The following NXPE4 variants were observed in gnomAD, a reference collection of about 807,000 sequenced individuals.
The protein encoded by NXPE4 is NXPE family member 4.
NXPE4 carries 42 observed loss-of-function variants against 33.3 expected under a neutral mutation model. The ratio of observed to expected loss-of-function variants is 1.26; its 90% confidence interval spans 0.98 to 1.63. The LOEUF (loss-of-function observed/expected upper bound fraction) is 1.63. Among genes scored for constraint, NXPE4 ranks in the 40% most tolerant of loss-of-function variants. The pLI is 0.00. For missense variants in NXPE4, 709 were observed against 647.6 expected, an observed-to-expected ratio of 1.09 and a Z score of -1.03; for synonymous variants, 253 against 234.9, an observed-to-expected ratio of 1.08 and a Z score of -0.71.
the NXPE4 span, among the ~76,000 whole-genome samples, chr11:114,634,494 T>A: frequency 1.3e-5 from 2 of 152,092 alleles, no homozygotes; most frequent in African/African-American, 2.4e-5. Flanking sequence ...AATTTTGGCT[T>A]TTGTTGCTAT....
the NXPE4 span, among the ~76,000 whole-genome samples, chr11:114,634,076 C>T: frequency 6.6e-6 from 1 of 151,626 alleles, no homozygotes; most frequent in African/African-American, 2.4e-5. Flanking sequence ...TACAGTTCCA[C>T]CAACAGTGTA....
rs1363895151 is a variant in NXPE4, at chr11:114,593,734, G to T, written c.96+930C>A. On this transcript the variant is annotated intron_variant, in intron 2 of 5. Coordinates refer to ENST00000375478, the MANE Select transcript of NXPE4 (RefSeq NM_001077639.2). ...AGCTATCTGAACTCCCATGTTTATT[G>T]CAGCACTGATAACAATAGCCAAGAT... 2.0e-5 allele frequency among the ~76,000 whole-genome samples: 3 copies of T among 152,094 alleles called. No homozygotes were observed. The East Asian group carries it at 5.8e-4, about 29-fold the overall frequency.
At chr11:114,644,475 A>G in the NXPE4 span, among the ~76,000 whole-genome samples, 1 of 152,210 alleles carries the variant, frequency 6.6e-6, no homozygotes, top group Admixed American at 6.5e-5. Context: ...GGAGTGTTAA[A>G]TTTTATCAAT....
intron 4 of NXPE4, among the ~76,000 whole-genome samples, chr11:114,581,397 A>C (rs564362934): frequency 6.6e-6 from 1 of 152,266 alleles, no homozygotes; most frequent in South Asian, 2.1e-4. Flanking sequence ...TGGGAGTGGT[A>C]TGAAGAGAGG....
chr11:114,640,528 T>G, the NXPE4 span, among the ~76,000 whole-genome samples: 1 of 151,808 alleles, frequency 6.6e-6, no homozygotes, highest in Non-Finnish European at 1.5e-5. Context: ...TTGAGAAACC[T>G]CCATACTATT....
intron 5 of NXPE4, among the ~76,000 whole-genome samples, chr11:114,577,326 A>G (rs1361980566): frequency 6.6e-6 from 1 of 151,762 alleles, no homozygotes; most frequent in African/African-American, 2.4e-5. Flanking sequence ...GTATGTTCTC[A>G]CTCATATGTG....
the NXPE4 span, among the ~76,000 whole-genome samples, chr11:114,676,036 T>C: frequency 6.6e-6 from 1 of 151,904 alleles, no homozygotes; most frequent in Non-Finnish European, 1.5e-5. Flanking sequence ...CTGACAGAAC[T>C]GCATATCCAC....
At chr11:114,636,707 C>T in the NXPE4 span, among the ~76,000 whole-genome samples, 7 of 152,042 alleles carry the variant, frequency 4.6e-5, no homozygotes, top group Non-Finnish European at 8.8e-5. Flanking sequence ...TTTCTGCCTT[C>T]ATTTCGTTAT....
At chr11:114,604,420 G>A in the NXPE4 span, among the ~76,000 whole-genome samples, 4 of 151,866 alleles carry the variant, frequency 2.6e-5, no homozygotes, top group Admixed American at 1.3e-4. Flanking sequence ...GTATTGCCTC[G>A]TGGGTAACCA....
chr11:114,582,475 C>T lies in NXPE4; in HGVS notation c.643G>A (p.Val215Ile). The T allele has an allele frequency of 6.2e-7, 1 of 1,614,156 alleles. No homozygotes were observed. Among genetic ancestry groups the T allele is most frequent in the South Asian group, 1.1e-5 (1 of 91,080 alleles). The change falls in exon 3 of 6, where the codon GTC (valine) becomes ATC (isoleucine). Residue 215 changes from valine (V) to isoleucine (I), a missense_variant. Transcript: ENST00000375478. ...AGGATCAGGCCACATTCAGAGTGGA[C>T]TTGGGAAGTGCCATTGACAAACTGG... The part of the protein sequence containing the change: ...TGQFVNGTSQ[V>I]HSECGLILNT...
At chr11:114,640,171 T>TAAAC in the NXPE4 span, among the ~76,000 whole-genome samples, 87,291 of 130,970 alleles carry the variant, frequency 0.67, 29,448 homozygotes, top group African/African-American at 0.75. Flanking sequence ...TATATATAAA[T>TAAAC]AATTTATATA....
At chr11:114,615,837 G>C in the NXPE4 span, among the ~76,000 whole-genome samples, 1 of 151,602 alleles carries the variant, frequency 6.6e-6, no homozygotes, top group African/African-American at 2.4e-5. Flanking sequence ...TTACCCTGTG[G>C]ATAATAAGAG....
At chr11:114,634,012 G>C in the NXPE4 span, among the ~76,000 whole-genome samples, 2 of 151,920 alleles carry the variant, frequency 1.3e-5, no homozygotes, top group East Asian at 1.9e-4. Flanking sequence ...GGTATTTCTA[G>C]TTCTAGATCC....
chr11:114,633,395 ATATAT>A, the NXPE4 span, among the ~76,000 whole-genome samples: 1 of 144,580 alleles, frequency 6.9e-6, no homozygotes, highest in Non-Finnish European at 1.5e-5. Context: ...ATTATATATT[ATATAT>A]TATATTTTAT....
At chr11:114,594,829 A>C in intron 1 of NXPE4, 60 bp from the exon 2 acceptor site, 1 of 870,164 alleles carries the variant, frequency 1.1e-6, no homozygotes, top group Non-Finnish European at 1.8e-6. Context: ...AAAGCAAACA[A>C]ACATGGGAAA....
chr11:114,651,165 C>A, the NXPE4 span, among the ~76,000 whole-genome samples: 1 of 152,100 alleles, frequency 6.6e-6, no homozygotes, highest in South Asian at 2.1e-4. Context: ...TCGCTTACTT[C>A]AAGAATGAAG....
At chr11:114,652,614 A>G in the NXPE4 span, among the ~76,000 whole-genome samples, 15 of 152,226 alleles carry the variant, frequency 9.9e-5, no homozygotes, top group Non-Finnish European at 1.9e-4. Context: ...TATTGTCATA[A>G]TTGTCATCAG....
At chr11:114,651,461 A>G in the NXPE4 span, among the ~76,000 whole-genome samples, 1 of 152,212 alleles carries the variant, frequency 6.6e-6, no homozygotes, top group Non-Finnish European at 1.5e-5. Context: ...GTGTGGACCC[A>G]AAGAGTAAGC....
the NXPE4 span, among the ~76,000 whole-genome samples, chr11:114,672,957 C>A: frequency 6.6e-6 from 1 of 151,136 alleles, no homozygotes; most frequent in African/African-American, 2.4e-5. Context: ...CTAGACCACA[C>A]AGATGTCTAT....
Sources: gnomAD v4.1 joint callset for allele counts (sites outside exome capture counted in the v4.1 genomes callset) on GRCh38, gnomAD v4.1.1 for gene constraint, MANE v1.5 for transcripts, NCBI Gene and HGNC (gene_info 2026-07-23, HGNC 2026-07-21) for gene names.